The following MGAT4C variants were observed in gnomAD, a reference collection of about 807,000 sequenced individuals.
MGAT4C encodes the protein alpha-1,3-mannosyl-glycoprotein 4-beta-N-acetylglucosaminyltransferase C.
A neutral mutation model predicts 40.1 loss-of-function variants in MGAT4C; 19 were observed. The ratio of observed to expected loss-of-function variants is 0.47; its 90% confidence interval spans 0.33 to 0.70. The LOEUF (loss-of-function observed/expected upper bound fraction) is 0.70. MGAT4C is among the 30% of genes least tolerant of loss of function. The pLI, the probability that MGAT4C is intolerant of heterozygous loss-of-function variation, is 0.02. For missense variants in MGAT4C, 491 were observed against 563.2 expected, an observed-to-expected ratio of 0.87 and a Z score of 1.30; for synonymous variants, 181 against 187.1, an observed-to-expected ratio of 0.97 and a Z score of 0.27.
At chr12:86,774,414 TC>T (rs1951716718) in intron 1 of MGAT4C, among the ~76,000 whole-genome samples, 1 of 149,854 alleles carries the variant, frequency 6.7e-6, no homozygotes, top group Non-Finnish European at 1.5e-5. Context: ...TCTCTCTCTC[TC>T]TCTCTCTTTC....
intron 1 of MGAT4C, among the ~76,000 whole-genome samples, chr12:86,747,700 T>C (rs1951172551): frequency 6.6e-6 from 1 of 151,596 alleles, no homozygotes; most frequent in African/African-American, 2.4e-5. Context: ...CATGCAGACA[T>C]GTCTTTCGCT....
chr12:85,990,525 G>A (rs966900872), intron 2 of MGAT4C, among the ~76,000 whole-genome samples: 7 of 152,072 alleles, frequency 4.6e-5, no homozygotes, highest in African/African-American at 1.2e-4. Flanking sequence ...AGTGAAAAAT[G>A]TCCGTCCCCT....
intron 3 of MGAT4C, among the ~76,000 whole-genome samples, chr12:86,397,625 T>G (rs1311055249): frequency 6.6e-6 from 1 of 152,104 alleles, no homozygotes; most frequent in African/African-American, 2.4e-5. Flanking sequence ...AGCTCCTCAT[T>G]AAATATTTTT....
intron 2 of MGAT4C, among the ~76,000 whole-genome samples, chr12:86,582,819 C>G (rs1477884412): frequency 1.3e-5 from 2 of 151,108 alleles, no homozygotes; most frequent in Non-Finnish European, 3.0e-5. Flanking sequence ...CAGACTGTAT[C>G]CAGTAATGGC....
chr12:86,342,780 G>A (rs550902630), intron 3 of MGAT4C, among the ~76,000 whole-genome samples: 1 of 152,100 alleles, frequency 6.6e-6, no homozygotes, highest in Non-Finnish European at 1.5e-5. Context: ...AGTATCTAAT[G>A]CAATGTCAGC....
chr12:86,535,754 G>T (rs543931985), intron 2 of MGAT4C, among the ~76,000 whole-genome samples: 15 of 151,950 alleles, frequency 9.9e-5, no homozygotes, highest in Non-Finnish European at 1.6e-4. Context: ...TACATAAATT[G>T]TTCCTATGTG....
chr12:86,589,264 A>G, intron 2 of MGAT4C, among the ~76,000 whole-genome samples: 1 of 151,842 alleles, frequency 6.6e-6, no homozygotes, highest in Admixed American at 6.6e-5. Context: ...ATCAGAGATT[A>G]CTACAAACAC....
chr12:86,110,885 C>T (rs983855690), intron 1 of MGAT4C, among the ~76,000 whole-genome samples: 2 of 151,548 alleles, frequency 1.3e-5, no homozygotes, highest in Non-Finnish European at 3.0e-5. Flanking sequence ...GTTATATGTA[C>T]TACTGTGAAT....
intron 1 of MGAT4C, among the ~76,000 whole-genome samples, chr12:86,225,772 T>C (rs1297878932): frequency 1.3e-5 from 2 of 152,026 alleles, no homozygotes; most frequent in Non-Finnish European, 2.9e-5. Flanking sequence ...CTCAACAAAC[T>C]AGGCATTGAA....
At position 86,407,502 on chromosome 12, in the gene MGAT4C, GA is replaced by G. The variant is rs144686888; in HGVS notation, c.-120+27654del. On this transcript the variant is annotated intron_variant, in intron 3 of 7. Transcript: ENST00000548651. The stretch of plus-strand genomic sequence containing the variant: ...GTATGCAGACCTCACTATTTATGGG[GA>G]AAAAAAGAAAGTTTGGGTGAAGTTC... 2.7e-3 allele frequency among the ~76,000 whole-genome samples: 409 copies of G among 152,030 alleles called. 4 individuals are homozygous for G. Among genetic ancestry groups the G allele is most frequent in the African/African-American group, 9.5e-3 (396 of 41,496 alleles).
chr12:86,145,740 T>C (rs1346612758), intron 1 of MGAT4C, among the ~76,000 whole-genome samples: 4 of 152,122 alleles, frequency 2.6e-5, no homozygotes, highest in African/African-American at 9.7e-5. Context: ...CTTCTGAAAA[T>C]ACTGATGTAA....
chr12:86,574,152 A>G (rs1960472892), intron 2 of MGAT4C, among the ~76,000 whole-genome samples: 1 of 151,612 alleles, frequency 6.6e-6, no homozygotes, highest in Admixed American at 6.6e-5. Context: ...CTCAGCCATA[A>G]TTATGGTATG....
intron 2 of MGAT4C, among the ~76,000 whole-genome samples, chr12:86,632,318 C>T (rs1421450718): frequency 6.6e-6 from 1 of 152,256 alleles, no homozygotes. Context: ...GGACTGTAAA[C>T]TAGTTCAACC....
intron 1 of MGAT4C, among the ~76,000 whole-genome samples, chr12:86,211,817 T>C (rs555089655): frequency 4.6e-5 from 7 of 152,090 alleles, no homozygotes; most frequent in Non-Finnish European, 8.8e-5. Flanking sequence ...TACATGACTT[T>C]GTTCTCTCTT....
At chr12:86,787,354 G>T (rs117177870) in intron 1 of MGAT4C, among the ~76,000 whole-genome samples, 2 of 151,922 alleles carry the variant, frequency 1.3e-5, no homozygotes, top group African/African-American at 4.8e-5. Context: ...ATTCAATTTT[G>T]TATATGTGTA....
chr12:86,762,326 C>T (rs1188316143), intron 1 of MGAT4C, among the ~76,000 whole-genome samples: 1 of 152,108 alleles, frequency 6.6e-6, no homozygotes, highest in Admixed American at 6.6e-5. Context: ...TCTGGGATTA[C>T]AGGAGTGAGC....
At chr12:86,691,765 A>C (rs1950177404) in intron 2 of MGAT4C, among the ~76,000 whole-genome samples, 1 of 152,154 alleles carries the variant, frequency 6.6e-6, no homozygotes. Flanking sequence ...ACACCCACAT[A>C]AAAATATATA....
chr12:86,080,080 C>G (rs1870542629), intron 1 of MGAT4C, among the ~76,000 whole-genome samples: 1 of 152,088 alleles, frequency 6.6e-6, no homozygotes. Flanking sequence ...AGCTAAGATT[C>G]CCTCACCAAG....
intron 1 of MGAT4C, among the ~76,000 whole-genome samples, chr12:86,067,694 C>T (rs1265411945): frequency 1.3e-5 from 2 of 152,014 alleles, no homozygotes; most frequent in Non-Finnish European, 2.9e-5. Context: ...TACCCCAGAA[C>T]TTAAAGTATA....
Sources: gnomAD v4.1 joint callset for allele counts (sites outside exome capture counted in the v4.1 genomes callset) on GRCh38, gnomAD v4.1.1 for gene constraint, MANE v1.5 for transcripts, NCBI Gene and HGNC (gene_info 2026-07-23, HGNC 2026-07-21) for gene names.